CACNA1G: variants seen among roughly 807,000 people sequenced by gnomAD.
CACNA1G encodes the protein voltage-dependent T-type calcium channel subunit alpha-1G.
CACNA1G carries 67 observed loss-of-function variants against 219.4 expected under a neutral mutation model. That is an observed-to-expected ratio of 0.31 (90% confidence interval 0.25 to 0.37). The LOEUF is 0.37. Among genes scored for constraint, CACNA1G ranks in the 10% least tolerant of loss-of-function variants. CACNA1G has a pLI of 1.00. For missense variants in CACNA1G, 2,380 were observed against 3,231.4 expected, an observed-to-expected ratio of 0.74 and a Z score of 6.39; for synonymous variants, 1,296 against 1,345.3, an observed-to-expected ratio of 0.96 and a Z score of 0.80.
intron 25 of CACNA1G, among the ~76,000 whole-genome samples, chr17:50,608,904 CCT>C (rs147501525): frequency 1.5e-4 from 22 of 150,716 alleles, no homozygotes; most frequent in Admixed American, 7.9e-4. Flanking sequence ...AATCTCCGCG[CCT>C]CTCTCTCTCT....
At chr17:50,592,649 CAATT>C (rs2044584246) in intron 13 of CACNA1G, among the ~76,000 whole-genome samples, 2 of 152,216 alleles carry the variant, frequency 1.3e-5, no homozygotes, top group Admixed American at 1.3e-4. Flanking sequence ...GCAGCGTCAT[CAATT>C]AATATTGATT....
At chr17:50,592,399 G>A (rs940640455) in intron 13 of CACNA1G, among the ~76,000 whole-genome samples, 3 of 152,190 alleles carry the variant, frequency 2.0e-5, no homozygotes, top group Non-Finnish European at 4.4e-5. Flanking sequence ...GTGTCTGCCT[G>A]TGGTGCAGCT....
chr17:50,626,864 G>T lies in CACNA1G; in HGVS notation c.*113G>T, dbSNP rs756436228. On this transcript the variant is annotated 3_prime_UTR_variant, in exon 38 of 38. Coordinates refer to ENST00000359106, the MANE Select transcript of CACNA1G (RefSeq NM_018896.5). The surrounding 1 kb of genome is among the most constrained non-coding windows in gnomAD (Gnocchi z 4.3). ...ATATAGACACCAAGGAGGCGGAGGC[G>T]CTCCTCCCTGCCTCAGTGGCTCTGG... 3 of 1,336,672 alleles carry T rather than the reference G, an allele frequency of 2.2e-6. No individual in the cohort carries two copies. The highest frequency in any genetic ancestry group is 3.2e-6 in the Non-Finnish European group (3 of 931,746). 82.8% of individuals were successfully genotyped at this position (1,336,672 alleles called of 1,614,324 possible).
intron 23 of CACNA1G, 62 bp downstream of exon 23, chr17:50,606,085 G>A: frequency 6.2e-7 from 1 of 1,608,126 alleles, no homozygotes; most frequent in Non-Finnish European, 8.5e-7. Context: ...ACAGGGCCAT[G>A]CTTAGTGATA....
chr17:50,602,767 G>C, intron 19 of CACNA1G, 53 bp from the exon 20 acceptor site: 1 of 1,557,056 alleles, frequency 6.4e-7, no homozygotes, highest in East Asian at 2.2e-5. Context: ...AGCAGACCTG[G>C]CCCAAGGGTG....
intron 34 of CACNA1G, 141 bp downstream of exon 34, chr17:50,619,967 C>A: frequency 2.4e-6 from 2 of 836,962 alleles, no homozygotes; most frequent in Non-Finnish European, 1.8e-6. Flanking sequence ...CAGTTGAGTG[C>A]AAGAGGCAGT....
chr17:50,610,033 G>A (rs930270529), intron 26 of CACNA1G, 98 bp downstream of exon 26: 1 of 1,261,296 alleles, frequency 7.9e-7, no homozygotes, highest in Non-Finnish European at 1.1e-6. Flanking sequence ...GAAAGGGTGA[G>A]GGTCCCTGGG....
intron 9 of CACNA1G, among the ~76,000 whole-genome samples, chr17:50,582,044 G>T (rs565301347): frequency 1.3e-5 from 2 of 152,362 alleles, no homozygotes; most frequent in South Asian, 4.1e-4. Flanking sequence ...GTGGACAATT[G>T]GTTCTCCCAA....
At chr17:50,620,760 G>C (rs1416524470) in intron 34 of CACNA1G, among the ~76,000 whole-genome samples, 1 of 152,216 alleles carries the variant, frequency 6.6e-6, no homozygotes, top group Non-Finnish European at 1.5e-5. Context: ...AAGGGACCTT[G>C]CCTCTTGTTG....
At chr17:50,588,985 G>T (rs1288584988) in intron 9 of CACNA1G, among the ~76,000 whole-genome samples, 1 of 152,190 alleles carries the variant, frequency 6.6e-6, no homozygotes, top group South Asian at 2.1e-4. Flanking sequence ...GCTGGCCAGC[G>T]AGACAGTGAG....
intron 5 of CACNA1G, 90 bp from the exon 6 acceptor site, chr17:50,572,464 C>G (rs1248201751): frequency 8.0e-5 from 91 of 1,137,508 alleles, no homozygotes; most frequent in Non-Finnish European, 1.1e-4. Context: ...CTATATGCCT[C>G]GAGCACTCGT....
chr17:50,561,003 A>T lies in CACNA1G; in HGVS notation c.-457A>T, dbSNP rs954343331. 3 of 293,784 alleles carry T rather than the reference A, an allele frequency of 1.0e-5. No homozygotes were observed. Among genetic ancestry groups the T allele is most frequent in the Non-Finnish European group, 2.0e-5 (3 of 151,776 alleles). 18.2% of individuals were successfully genotyped at this position (293,784 alleles called of 1,614,324 possible). On this transcript the variant is annotated 5_prime_UTR_variant, in exon 1 of 38. It removes an upstream start codon present in the reference 5' UTR. Transcript: ENST00000359106. ...CGCCGCCTGGCGCGGAGCCGGGACG[A>T]TGCTGACCCCTTAGATCCGGCTCCA...
intron 8 of CACNA1G, among the ~76,000 whole-genome samples, chr17:50,576,957 C>T (rs572080289): frequency 1.3e-5 from 2 of 152,308 alleles, no homozygotes; most frequent in African/African-American, 2.4e-5. Context: ...CAGTGAGACA[C>T]ATAGGGACGT....
Position 50,617,779 on chromosome 17 carries a change from C to T in CACNA1G, c.5156-80C>T, listed in dbSNP as rs2050888449. 6.5e-7 allele frequency: 1 copy of T among 1,535,982 alleles called. No homozygotes were observed. The highest frequency in any genetic ancestry group is 1.4e-5 in the African/African-American group (1 of 73,616). On this transcript the variant is annotated intron_variant, in intron 29 of 37. Coordinates refer to ENST00000359106, the MANE Select transcript of CACNA1G (RefSeq NM_018896.5). This position sits in a 1 kb window ranked among gnomAD's most constrained non-coding sequence, Gnocchi z 5.8. ...GAGATGGCCATCCCAGCAGCCCCAG[C>T]CCAGCCCTGGTCCTGACTCTGCCAG...
intron 26 of CACNA1G, among the ~76,000 whole-genome samples, chr17:50,612,497 TC>T (rs772051675): frequency 2.0e-5 from 3 of 152,208 alleles, no homozygotes; most frequent in Non-Finnish European, 4.4e-5. Flanking sequence ...CGACCTTCAC[TC>T]ACTCACCCTC....
chr17:50,615,605 T>A, intron 27 of CACNA1G, 93 bp downstream of exon 27: 3 of 1,432,804 alleles, frequency 2.1e-6, no homozygotes, highest in Non-Finnish European at 2.8e-6. Context: ...GGTACCTCTG[T>A]GCCAAGCAAG....
In CACNA1G at chr17:50,571,853, C is replaced by A. The variant is rs1211817264; in HGVS notation, c.587-25C>A. 2 of 1,611,844 alleles carry A rather than the reference C, an allele frequency of 1.2e-6. No homozygotes were observed. Among genetic ancestry groups the A allele is most frequent in the Admixed American group, 1.7e-5 (1 of 59,990 alleles). On this transcript the variant is annotated intron_variant, in intron 4 of 37. Coordinates refer to ENST00000359106, the MANE Select transcript of CACNA1G (RefSeq NM_018896.5). This position sits in a 1 kb window ranked among gnomAD's most constrained non-coding sequence, Gnocchi z 4.3. Reference sequence around the variant, plus strand: ...AGCCTAGCCCGGCCAGCCTGGTGTCCCCAGCGTGGCTTCTGCCCCCACAGG... The same window carrying A: ...AGCCTAGCCCGGCCAGCCTGGTGTCACCAGCGTGGCTTCTGCCCCCACAGG...
rs2045568475 is a variant in CACNA1G at position 50,596,469 on chromosome 17, G to A, written c.2980-93G>A. The A allele has an allele frequency of 2.1e-6, 2 of 955,652 alleles. No homozygotes were observed. Among genetic ancestry groups the A allele is most frequent in the Admixed American group, 1.8e-5 (1 of 54,640 alleles). 59.2% of individuals were successfully genotyped at this position (955,652 alleles called of 1,614,324 possible). A position where few individuals can be genotyped will look rare whatever the true frequency, so the allele number is the denominator to read the frequency against. ...GGTTGCTGGTTCCTGTGGCCTATATGTGGTGTGCGTGTGTGAAGAGAGGGA... is the reference window on the plus strand; with the variant it reads ...GGTTGCTGGTTCCTGTGGCCTATATATGGTGTGCGTGTGTGAAGAGAGGGA... On this transcript the variant is annotated intron_variant, in intron 14 of 37. Coordinates refer to ENST00000359106, the MANE Select transcript of CACNA1G (RefSeq NM_018896.5). This position sits in a 1 kb window ranked among gnomAD's most constrained non-coding sequence, Gnocchi z 4.8.
At chr17:50,565,365 G>A (rs2144448176) in intron 1 of CACNA1G, among the ~76,000 whole-genome samples, 1 of 122,256 alleles carries the variant, frequency 8.2e-6, no homozygotes, top group African/African-American at 3.2e-5. Context: ...GAACCACAGG[G>A]AAATAGGCTT....
Sources: allele counts gnomAD v4.1 joint callset (sites outside exome capture counted in the v4.1 genomes callset), GRCh38; gene constraint gnomAD v4.1.1; non-coding constraint Gnocchi (gnomAD v3.1); transcripts MANE v1.5; gene names NCBI Gene and HGNC (gene_info 2026-07-23, HGNC 2026-07-21).